The following ITGB6 variants were observed in gnomAD, a reference collection of about 807,000 sequenced individuals.
ITGB6 encodes integrin subunit beta 6, also known as integrin beta-6.
ITGB6 carries 80 observed loss-of-function variants against 84.5 expected under a neutral mutation model. The observed-to-expected ratio is 0.95, with a 90% CI of 0.79 to 1.14. ITGB6 has a LOEUF of 1.14. Among genes scored for constraint, ITGB6 ranks in the 50% most tolerant of loss-of-function variants. The pLI is 0.00. For missense variants in ITGB6, 1,006 were observed against 968.0 expected (o/e 1.04, Z -0.52); for synonymous variants, 383 against 354.9 (o/e 1.08, Z -0.89).
Position 160,169,337 on chromosome 2 carries a change from T to C in ITGB6, c.922-30A>G, listed in dbSNP as rs192894141. ...AATTAACATATATAATTTTGCATCA[T>C]CTCAATAAAATAATGTAAATAAAGA... is the stretch of plus-strand genomic sequence containing the variant. On this transcript the variant is annotated intron_variant, in intron 6 of 14. Transcript: ENST00000283249. The C allele has an allele frequency of 2.5e-4, 301 of 1,223,308 alleles. 1 individual carries two copies. In the African/African-American group the frequency reaches 4.2e-3, roughly 17 times the overall value. The allele number at this position is 1,223,308 out of a possible 1,614,324, so 75.8% of individuals were successfully genotyped here. A position where few individuals can be genotyped will look rare whatever the true frequency, so the allele number is the denominator to read the frequency against.
chr2:160,136,216 C>A (rs1683707818), intron 10 of ITGB6, among the ~76,000 whole-genome samples: 1 of 152,140 alleles, frequency 6.6e-6, no homozygotes, highest in Non-Finnish European at 1.5e-5. Context: ...AAGAAAAAAA[C>A]AACCCCATCA....
In ITGB6 at chr2:160,174,749, A is replaced by G. The variant is rs185290005; in HGVS notation, c.594-610T>C. Among the ~76,000 whole-genome samples, 529 of 152,318 alleles carry G rather than the reference A, an allele frequency of 3.5e-3. 6 individuals carry two copies. The highest frequency in any genetic ancestry group is 2.2e-3 in the Non-Finnish European group (150 of 68,020). On this transcript the variant is annotated intron_variant, in intron 4 of 14. Transcript: ENST00000283249. Reference sequence around the variant, plus strand: ...ACCAAAGATATTACAGTAGAACACAAAGGGCTGATCATGAGTTCAGCCACA... The same window carrying G: ...ACCAAAGATATTACAGTAGAACACAGAGGGCTGATCATGAGTTCAGCCACA...
At chr2:160,196,104 T>A (rs1377456837) in intron 3 of ITGB6, 112 bp downstream of exon 3, 6 of 912,644 alleles carry the variant, frequency 6.6e-6, no homozygotes, top group Non-Finnish European at 1.0e-5. Context: ...GAATGGGAAA[T>A]TCGAGTCATA....
At chr2:160,139,116 T>C (rs1020214917) in intron 8 of ITGB6, among the ~76,000 whole-genome samples, 1 of 152,244 alleles carries the variant, frequency 6.6e-6, no homozygotes, top group Non-Finnish European at 1.5e-5. Context: ...AAGTTTATCA[T>C]TTTGCTTTCT....
intron 8 of ITGB6, among the ~76,000 whole-genome samples, chr2:160,139,543 T>C (rs531363202): frequency 6.6e-6 from 1 of 152,032 alleles, no homozygotes; most frequent in Admixed American, 6.6e-5. Context: ...TAAATAAAAA[T>C]TAAGGGATAT....
intron 13 of ITGB6, among the ~76,000 whole-genome samples, chr2:160,109,027 A>G (rs894821258): frequency 2.6e-5 from 4 of 152,220 alleles, no homozygotes; most frequent in African/African-American, 9.6e-5. Context: ...TGGGGAGGAA[A>G]TGAATGATGT....
At chr2:160,122,470 C>T (rs997861462) in intron 12 of ITGB6, among the ~76,000 whole-genome samples, 3 of 152,108 alleles carry the variant, frequency 2.0e-5, no homozygotes, top group Non-Finnish European at 4.4e-5. Context: ...AATTTTTACG[C>T]GTTTCTCAGA....
intron 11 of ITGB6, among the ~76,000 whole-genome samples, chr2:160,125,041 C>T (rs1028756487): frequency 6.6e-6 from 1 of 152,094 alleles, no homozygotes; most frequent in Non-Finnish European, 1.5e-5. Flanking sequence ...TAGCCTTATC[C>T]CCTGCTGTAG....
intron 7 of ITGB6, among the ~76,000 whole-genome samples, chr2:160,160,010 T>C (rs1228825332): frequency 6.6e-6 from 1 of 152,094 alleles, no homozygotes; most frequent in African/African-American, 2.4e-5. Flanking sequence ...GGAAAACACA[T>C]AAATATTTGT....
chr2:160,134,214 A>G (rs1239142908), intron 10 of ITGB6, among the ~76,000 whole-genome samples: 2 of 152,246 alleles, frequency 1.3e-5, no homozygotes, highest in Non-Finnish European at 2.9e-5. Context: ...AAAAAATGAT[A>G]AACGGGATAT....
At chr2:160,136,915 G>A (rs540465019) in intron 10 of ITGB6, among the ~76,000 whole-genome samples, 6 of 151,666 alleles carry the variant, frequency 4.0e-5, no homozygotes, top group African/African-American at 1.5e-4. Context: ...GTGGGGGGAA[G>A]GGGGAGGGAT....
chr2:160,130,341 A>C (rs548331742), intron 10 of ITGB6, among the ~76,000 whole-genome samples: 5 of 151,726 alleles, frequency 3.3e-5, no homozygotes, highest in Admixed American at 3.3e-4. Context: ...TATATTCTCT[A>C]TATACTCTAT....
intron 14 of ITGB6, among the ~76,000 whole-genome samples, chr2:160,104,836 C>A (rs1338363556): frequency 6.6e-6 from 1 of 152,100 alleles, no homozygotes; most frequent in Non-Finnish European, 1.5e-5. Context: ...AAAAAGATAA[C>A]CTTTCTTTAC....
intron 3 of ITGB6, 97 bp downstream of exon 3, chr2:160,196,119 T>G (rs193241891): frequency 2.0e-6 from 2 of 998,040 alleles, no homozygotes; most frequent in African/African-American, 3.2e-5. Context: ...GTCATAATAA[T>G]CAATGATATG....
chr2:160,117,512 G>T (rs1682837013), intron 12 of ITGB6, among the ~76,000 whole-genome samples: 1 of 152,116 alleles, frequency 6.6e-6, no homozygotes, highest in South Asian at 2.1e-4. Flanking sequence ...CACATTCAAA[G>T]CAGTGTGCAG....
chr2:160,113,105 G>A (rs557236574), intron 12 of ITGB6, among the ~76,000 whole-genome samples: 38 of 152,158 alleles, frequency 2.5e-4, no homozygotes, highest in Non-Finnish European at 4.3e-4. Context: ...AGTAGAAGAC[G>A]TTTTTCTCCT....
intron 5 of ITGB6, 47 bp from the exon 6 acceptor site, chr2:160,172,777 A>G: frequency 6.8e-7 from 1 of 1,476,456 alleles, no homozygotes; most frequent in South Asian, 1.2e-5. Context: ...GGAGGCAGGC[A>G]TTTATTGAGT....
chr2:160,115,674 T>A (rs868780850), intron 12 of ITGB6, among the ~76,000 whole-genome samples: 1 of 152,146 alleles, frequency 6.6e-6, no homozygotes, highest in Non-Finnish European at 1.5e-5. Context: ...ATGACTTTGA[T>A]GAATTGAGAG....
chr2:160,171,708 G>C (rs1253102277), intron 6 of ITGB6, among the ~76,000 whole-genome samples: 1 of 152,190 alleles, frequency 6.6e-6, no homozygotes, highest in Non-Finnish European at 1.5e-5. Context: ...AATAAACCAG[G>C]TCTGGACCTG....
Sources: allele counts gnomAD v4.1 joint callset (sites outside exome capture counted in the v4.1 genomes callset), GRCh38; gene constraint gnomAD v4.1.1; transcripts MANE v1.5; gene names NCBI Gene and HGNC (gene_info 2026-07-23, HGNC 2026-07-21).